Variants in SHROOM4 observed in about 807,000 individuals in gnomAD.
SHROOM4 encodes the protein shroom family member 4.
Under a neutral mutation model 80.3 loss-of-function variants are expected in SHROOM4, and 17 were observed. That is an observed-to-expected ratio of 0.21 (90% CI 0.14 to 0.32). The LOEUF (loss-of-function observed/expected upper bound fraction) is 0.32. SHROOM4 is among the 10% of genes least tolerant of loss of function. SHROOM4 has a pLI of 1.00. For missense variants in SHROOM4, 993 were observed against 1,140.3 expected (o/e 0.87, Z 1.86); for synonymous variants, 400 against 437.5 (o/e 0.91, Z 1.07).
intron 6 of SHROOM4, among the ~76,000 whole-genome samples, chrX:50,605,999 G>A (rs1929647217): frequency 9.0e-6 from 1 of 110,984 alleles, no homozygotes; most frequent in Admixed American, 9.5e-5. Context: ...TTCACAAAAT[G>A]TTTTCTAATT....
At chrX:50,704,453 G>C (rs1167450103) in intron 1 of SHROOM4, among the ~76,000 whole-genome samples, 1 of 111,721 alleles carries the variant, frequency 9.0e-6, no homozygotes, top group Non-Finnish European at 1.9e-5. Flanking sequence ...TGAGTGAGTT[G>C]GATACAGTCT....
chrX:50,738,866 T>C (rs1415872219), intron 1 of SHROOM4, among the ~76,000 whole-genome samples: 1 of 111,682 alleles, frequency 9.0e-6, no homozygotes, highest in Non-Finnish European at 1.9e-5. Flanking sequence ...AGAGCCCACA[T>C]TGCCAAGTCA....
intron 7 of SHROOM4, among the ~76,000 whole-genome samples, chrX:50,600,551 A>T (rs1287685740): frequency 1.8e-5 from 2 of 112,341 alleles, no homozygotes; most frequent in East Asian, 5.6e-4. Context: ...TTAGAATAGT[A>T]TCTTGTTCAT....
At chrX:50,718,494 G>A (rs1458398014) in intron 1 of SHROOM4, among the ~76,000 whole-genome samples, 19 of 25,854 alleles carry the variant, frequency 7.3e-4, no homozygotes, top group African/African-American at 8.6e-4. Context: ...GTCTTGAAGA[G>A]GCTCAAAGAG....
At position 50,598,480 on chromosome X, in the gene SHROOM4, C is replaced by A. The variant is rs138561135; in HGVS notation, c.3998G>T (p.Arg1333Leu). ...RKLSVLREAQ[R>L]GLLEDINANS... ...GGCATTGATGTCCTCTAGCAGCCCTCGCTGGGCCTCCCGCAAGACAGAAAG... is the reference window on the plus strand; with the variant it reads ...GGCATTGATGTCCTCTAGCAGCCCTAGCTGGGCCTCCCGCAAGACAGAAAG... The change falls in exon 8 of 9, where the codon CGA becomes CTA. Residue 1333 changes from arginine to leucine, a missense_variant. Physicochemically the swap from Arg to Leu is moderately radical, Grantham distance 102. Coordinates refer to ENST00000376020, the MANE Select transcript of SHROOM4 (RefSeq NM_020717.5). 1 of 1,207,362 alleles carries A rather than the reference C, an allele frequency of 8.3e-7. No homozygotes were observed. Among genetic ancestry groups the A allele is most frequent in the African/African-American group, 1.7e-5 (1 of 57,718 alleles).
At chrX:50,608,833 C>T (rs1399804274) in intron 5 of SHROOM4, among the ~76,000 whole-genome samples, 1 of 112,149 alleles carries the variant, frequency 8.9e-6, no homozygotes, top group African/African-American at 3.2e-5. Context: ...ACATAACTCT[C>T]CACTTCCATT....
At chrX:50,585,348 G>A (rs1394203605), downstream of SHROOM4, among the ~76,000 whole-genome samples, 3 of 111,607 alleles carry the variant, frequency 2.7e-5, no homozygotes, top group Non-Finnish European at 5.6e-5. Context: ...GCTGGAATTG[G>A]CTAAATAGGG....
intron 2 of SHROOM4, among the ~76,000 whole-genome samples, chrX:50,662,256 T>C (rs1932535728): frequency 9.0e-6 from 1 of 111,687 alleles, no homozygotes; most frequent in Non-Finnish European, 1.9e-5. Context: ...ATCCCAGCAC[T>C]TTGGGAGGCC....
rs1936404003 is a variant in SHROOM4 at position 50,813,944 on chromosome X, A to C, written c.75T>G (p.Leu25=). ...GCTCACAGTGTTCCAGACCCCCCTT[A>C]AGGGTGAAGCCCCAGGGTGCCCCCC... ...LQGGAPWGFT[L]KGGLEHCEPL... The change falls in exon 1 of 9, where the codon CTT becomes CTG. Residue 25 remains leucine (L), a synonymous_variant. Transcript: ENST00000376020. 1 of 1,203,791 alleles carries C rather than the reference A, an allele frequency of 8.3e-7. No individual in the cohort carries two copies. Among genetic ancestry groups the C allele is most frequent in the Non-Finnish European group, 1.1e-6 (1 of 891,519 alleles).
rs149853047 is a variant in SHROOM4, at chrX:50,696,033, C to G, written c.118-96G>C. ...TCCAACCCTGGAGCCACAAGTAGTA[C>G]TGGGGAATGGCTCCAGGCAGCTCCT... On this transcript the variant is annotated intron_variant, in intron 1 of 8. Coordinates refer to ENST00000376020, the MANE Select transcript of SHROOM4 (RefSeq NM_020717.5). 7.6e-4 allele frequency: 766 copies of G among 1,001,911 alleles called. 3 individuals are homozygous for G. In the African/African-American group the frequency reaches 0.013, roughly 16 times the overall value. 82.6% of individuals were successfully genotyped at this position (1,001,911 alleles called of 1,213,427 possible).
intron 1 of SHROOM4, among the ~76,000 whole-genome samples, chrX:50,793,008 C>T (rs1935884013): frequency 9.4e-6 from 1 of 106,185 alleles, no homozygotes; most frequent in Non-Finnish European, 1.9e-5. Flanking sequence ...ACCCCATGTT[C>T]ATTGGAGCAT....
chrX:50,767,698 G>C lies in SHROOM4; in HGVS notation c.117+46204C>G, dbSNP rs1408375988. ...AAGTGGGGTATTGCTAAAAAAAATG[G>C]TTTTGCTTTAATTACAGGCTCTTAG... On this transcript the variant is annotated intron_variant, in intron 1 of 8. Coordinates refer to ENST00000376020, the MANE Select transcript of SHROOM4 (RefSeq NM_020717.5). Among the ~76,000 whole-genome samples the C allele has an allele frequency of 7.2e-5, 8 of 111,669 alleles. No homozygotes were observed. The East Asian group carries it at 2.2e-3, about 31-fold the overall frequency.
chrX:50,648,980 G>C (rs1241215553), intron 2 of SHROOM4, among the ~76,000 whole-genome samples: 1 of 111,694 alleles, frequency 9.0e-6, no homozygotes, highest in Non-Finnish European at 1.9e-5. Context: ...GATAGATACT[G>C]GAAGCATAGA....
At chrX:50,778,591 C>T (rs782653658) in intron 1 of SHROOM4, among the ~76,000 whole-genome samples, 15 of 112,346 alleles carry the variant, frequency 1.3e-4, no homozygotes, top group Non-Finnish European at 2.4e-4. Flanking sequence ...GATTTATTGA[C>T]TCATTCCAAA....
rs368382997 is a variant in SHROOM4, at chrX:50,795,139, T to TG, written c.117+18762_117+18763insC. 8.3e-3 allele frequency among the ~76,000 whole-genome samples: 18 copies of TG among 2,175 alleles called. 1 individual carries two copies. The East Asian group carries it at 0.083, about 10-fold the overall frequency. 1.9% of individuals were successfully genotyped at this position (2,175 alleles called of 115,157 possible). A position where few individuals can be genotyped will look rare whatever the true frequency, so the allele number is the denominator to read the frequency against. Reference sequence around the variant, plus strand: ...GATATATATATATGATATATATATATATATATGATATATATATATATATAT... The same window carrying TG: ...GATATATATATATGATATATATATATGATATATGATATATATATATATATAT... On this transcript the variant is annotated intron_variant, in intron 1 of 8. Coordinates refer to ENST00000376020, the MANE Select transcript of SHROOM4 (RefSeq NM_020717.5).
chrX:50,601,183 G>A (rs1427063979), intron 7 of SHROOM4, among the ~76,000 whole-genome samples: 1 of 111,940 alleles, frequency 8.9e-6, no homozygotes, highest in Non-Finnish European at 1.9e-5. Context: ...CTTCCTCAGA[G>A]ACAAAAACTG....
At chrX:50,812,142 T>C (rs1936344872) in intron 1 of SHROOM4, among the ~76,000 whole-genome samples, 1 of 107,890 alleles carries the variant, frequency 9.3e-6, no homozygotes, top group Non-Finnish European at 1.9e-5. Flanking sequence ...CTAGGCAGAC[T>C]GTGGAAATTC....
chrX:50,701,335 C>T (rs1933510833), intron 1 of SHROOM4, among the ~76,000 whole-genome samples: 1 of 111,861 alleles, frequency 8.9e-6, no homozygotes, highest in Non-Finnish European at 1.9e-5. Flanking sequence ...CCTGCCAAGT[C>T]AGATCGTCCT....
At chrX:50,709,315 A>AT (rs1933753656) in intron 1 of SHROOM4, among the ~76,000 whole-genome samples, 1 of 112,281 alleles carries the variant, frequency 8.9e-6, no homozygotes, top group African/African-American at 3.2e-5. Context: ...CAGGGCCCCT[A>AT]GGCCATGCAT....
Sources: allele counts gnomAD v4.1 joint callset (sites outside exome capture counted in the v4.1 genomes callset), GRCh38; gene constraint gnomAD v4.1.1; transcripts MANE v1.5; gene names NCBI Gene and HGNC (gene_info 2026-07-23, HGNC 2026-07-21).